ZNF143: variants seen among roughly 807,000 people sequenced by gnomAD.
ZNF143 encodes the protein zinc finger protein 143, also known as SPH-binding factor.
Under a neutral mutation model 74.1 loss-of-function variants are expected in ZNF143, and 49 were observed. That is an observed-to-expected ratio of 0.66 (90% CI 0.53 to 0.84). The LOEUF is 0.84. ZNF143 is among the 40% of genes least tolerant of loss of function. The pLI, the probability that ZNF143 is intolerant of heterozygous loss-of-function variation, is 0.00. For synonymous variants in ZNF143, 304 were observed against 282.8 expected (o/e 1.07, Z -0.75); for missense variants, 637 against 793.4 (o/e 0.80, Z 2.37).
intron 11 of ZNF143, among the ~76,000 whole-genome samples, chr11:9,503,043 G>A (rs1312484245): frequency 6.6e-6 from 1 of 152,100 alleles, no homozygotes; most frequent in Non-Finnish European, 1.5e-5. Flanking sequence ...GTGTTAGCCA[G>A]GACGGTCTCG....
chr11:9,502,625 A>G (rs1359607008), intron 11 of ZNF143, among the ~76,000 whole-genome samples: 4 of 150,212 alleles, frequency 2.7e-5, no homozygotes, highest in Non-Finnish European at 4.4e-5. Flanking sequence ...AAAAAAAAGT[A>G]TGTGTTTCAG....
intron 1 of ZNF143, among the ~76,000 whole-genome samples, chr11:9,464,086 TTGTGTGTGTGTG>T (rs144501900): frequency 3.3e-4 from 41 of 124,126 alleles, no homozygotes; most frequent in African/African-American, 9.5e-4. Flanking sequence ...GTGTGTGTGT[TTGTGTGTGTGTG>T]TGTGTGTGTG....
At chr11:9,480,835 C>T (rs887730678) in intron 7 of ZNF143, among the ~76,000 whole-genome samples, 2 of 148,196 alleles carry the variant, frequency 1.3e-5, no homozygotes, top group South Asian at 4.2e-4. Flanking sequence ...TGCAGTGAGC[C>T]AAGATCGCGC....
intron 14 of ZNF143, among the ~76,000 whole-genome samples, chr11:9,520,125 C>T (rs1328739911): frequency 1.3e-5 from 2 of 148,486 alleles, no homozygotes; most frequent in African/African-American, 5.0e-5. Context: ...CAACTTCCGC[C>T]TTCCGGGTTC....
chr11:9,516,872 T>C (rs1589945583), intron 14 of ZNF143, among the ~76,000 whole-genome samples: 1 of 152,158 alleles, frequency 6.6e-6, no homozygotes, highest in Admixed American at 6.5e-5. Context: ...TACAAACAAA[T>C]ACAAATAAGT....
intron 1 of ZNF143, among the ~76,000 whole-genome samples, chr11:9,461,351 T>C (rs942168234): frequency 6.6e-6 from 1 of 152,200 alleles, no homozygotes; most frequent in Admixed American, 6.5e-5. Context: ...GCGCCCCGCC[T>C]GTTTCCCTCA....
intron 7 of ZNF143, among the ~76,000 whole-genome samples, chr11:9,492,993 G>T (rs1052046750): frequency 1.3e-5 from 2 of 151,800 alleles, no homozygotes; most frequent in Non-Finnish European, 2.9e-5. Flanking sequence ...AAAAAATGTG[G>T]AATTATATTA....
At chr11:9,473,315 C>A (rs1189902091) in intron 3 of ZNF143, among the ~76,000 whole-genome samples, 1 of 149,730 alleles carries the variant, frequency 6.7e-6, no homozygotes, top group African/African-American at 2.5e-5. Flanking sequence ...CGCTTGAACC[C>A]GGGAGGCAGA....
chr11:9,508,417 C>T (rs559563500), intron 11 of ZNF143, among the ~76,000 whole-genome samples: 16 of 152,196 alleles, frequency 1.1e-4, no homozygotes, highest in Non-Finnish European at 2.4e-4. Flanking sequence ...TGCATGGAGA[C>T]AGCACTAAGG....
chr11:9,504,852 T>TTA lies in ZNF143; in HGVS notation c.1147+3583_1147+3584insAT, dbSNP rs1241690468. Among the ~76,000 whole-genome samples, 2 of 118,142 alleles carry TTA rather than the reference T, an allele frequency of 1.7e-5. 1 individual carries two copies. The highest frequency in any genetic ancestry group is 4.0e-5 in the Non-Finnish European group (2 of 50,286). The allele number at this position is 118,142 out of a possible 152,430, so 77.5% of individuals were successfully genotyped here. On this transcript the variant is annotated intron_variant, in intron 11 of 15. Coordinates refer to ENST00000396602, the MANE Select transcript of ZNF143 (RefSeq NM_003442.6). ...ACCACGCCCAGCTAATTTTTATACT[T>TTA]TTAATAGAGACGGGATTTCACCATG...
At chr11:9,472,928 T>C (rs1856669834) in intron 3 of ZNF143, among the ~76,000 whole-genome samples, 159 bp downstream of exon 3, 1 of 151,858 alleles carries the variant, frequency 6.6e-6, no homozygotes, top group South Asian at 2.1e-4. Context: ...TTTTTTTTTT[T>C]TTTATAATTT....
chr11:9,462,881 A>T (rs534166028), intron 1 of ZNF143, among the ~76,000 whole-genome samples: 225 of 152,300 alleles, frequency 1.5e-3, no homozygotes, highest in African/African-American at 4.6e-3. Flanking sequence ...GTCTCAAAAA[A>T]AAAGTTGAAT....
rs560011202 is a variant in ZNF143 at position 9,492,713 on chromosome 11, C to A, written c.646-1933C>A. ...TTCATATATTTTAGTGGTATGAATC[C>A]TTTTATAAATCTTGTGACATTTTCA... On this transcript the variant is annotated intron_variant, in intron 7 of 15. Transcript: ENST00000396602. Among the ~76,000 whole-genome samples the A allele has an allele frequency of 3.9e-5, 6 of 152,168 alleles. No individual in the cohort carries two copies. The East Asian group carries it at 1.2e-3, about 29-fold the overall frequency.
chr11:9,512,645 G>T lies in ZNF143; in HGVS notation c.1524+49G>T, dbSNP rs188874022. On this transcript the variant is annotated intron_variant, in intron 13 of 15. Transcript: ENST00000396602. ...CAAATTAAATCTTTCTGTGAACCTG[G>T]GCTTGAAAGGCAGGCTGGGTCCCCA... is the stretch of plus-strand genomic sequence containing the variant. 6.4e-4 allele frequency: 1,034 copies of T among 1,605,546 alleles called. 5 individuals carry two copies. The African/African-American group carries it at 0.013, about 20-fold the overall frequency.
At chr11:9,497,453 ACTC>A (rs1418882197) in intron 9 of ZNF143, among the ~76,000 whole-genome samples, 2 of 151,750 alleles carry the variant, frequency 1.3e-5, no homozygotes, top group African/African-American at 4.8e-5. Flanking sequence ...CTGAGCTCGA[ACTC>A]CTGACTTCAG....
intron 14 of ZNF143, among the ~76,000 whole-genome samples, chr11:9,517,261 T>G (rs542835086): frequency 3.1e-4 from 47 of 152,050 alleles, no homozygotes; most frequent in Non-Finnish European, 6.0e-4. Flanking sequence ...CTTAACATCT[T>G]CAAAATCTTT....
chr11:9,463,590 T>C (rs1856003568), intron 1 of ZNF143, among the ~76,000 whole-genome samples: 1 of 152,250 alleles, frequency 6.6e-6, no homozygotes, highest in South Asian at 2.1e-4. Context: ...GAAATGTCTG[T>C]TTGAATTCTT....
In ZNF143 at chr11:9,490,372, C is replaced by T. The variant is rs376657856; in HGVS notation, c.646-4274C>T. ...TGGCACAATCTTGGCTCACTGCAGC[C>T]TCAACCTCCTGGGTTCAAGCAGTCC... On this transcript the variant is annotated intron_variant, in intron 7 of 15. Coordinates refer to ENST00000396602, the MANE Select transcript of ZNF143 (RefSeq NM_003442.6). Among the ~76,000 whole-genome samples the T allele has an allele frequency of 2.3e-4, 34 of 149,616 alleles. 1 individual carries two copies. The highest frequency in any genetic ancestry group is 8.1e-4 in the African/African-American group (33 of 40,594).
At chr11:9,498,770 A>G (rs1448609863) in intron 10 of ZNF143, among the ~76,000 whole-genome samples, 3 of 152,316 alleles carry the variant, frequency 2.0e-5, no homozygotes, top group East Asian at 1.9e-4. Context: ...TTTAGTATAG[A>G]TGTTTTAAAC....
Sources: gnomAD v4.1 joint callset for allele counts (sites outside exome capture counted in the v4.1 genomes callset) on GRCh38, gnomAD v4.1.1 for gene constraint, MANE v1.5 for transcripts, NCBI Gene and HGNC (gene_info 2026-07-23, HGNC 2026-07-21) for gene names.